The following MAP3K5 variants were observed in gnomAD, a reference collection of about 807,000 sequenced individuals.
MAP3K5 encodes ASK-1.
Under a neutral mutation model 158.7 loss-of-function variants are expected in MAP3K5, and 56 were observed. The ratio of observed to expected loss-of-function variants is 0.35; its 90% CI spans 0.28 to 0.44. MAP3K5 has a LOEUF of 0.44. Ranked by LOEUF, MAP3K5 falls within the 20% of genes least tolerant of loss-of-function variation. The pLI is 1.00. For missense variants in MAP3K5, 1,294 were observed against 1,674.8 expected (o/e 0.77, Z 3.97); for synonymous variants, 579 against 601.7 (o/e 0.96, Z 0.55).
chr6:136,558,008 C>A (rs923543466), intron 29 of MAP3K5, among the ~76,000 whole-genome samples, 190 bp from the exon 30 acceptor site: 13 of 152,220 alleles, frequency 8.5e-5, no homozygotes, highest in Non-Finnish European at 1.5e-5. Flanking sequence ...TTCACTCCCA[C>A]AAACTGCTAT....
rs535582705 is a variant in MAP3K5, at chr6:136,763,272, A to C, written c.448+28438T>G. ...TCTCTGTTTTCCTGCATAACTAGTC[A>C]TCTAAGATGAAGTCTTGGATGAGTA... On this transcript the variant is annotated intron_variant, in intron 1 of 29. Transcript: ENST00000359015. 8.5e-5 allele frequency among the ~76,000 whole-genome samples: 13 copies of C among 152,294 alleles called. No homozygotes were observed. In the South Asian group the frequency reaches 2.3e-3, roughly 27 times the overall value.
chr6:136,640,393 G>C (rs1457218728), intron 12 of MAP3K5, among the ~76,000 whole-genome samples: 5 of 152,106 alleles, frequency 3.3e-5, no homozygotes, highest in Admixed American at 6.6e-5. Context: ...TAGTCCAGGG[G>C]GCACAGTTTG....
rs760436999 is a variant in MAP3K5, at chr6:136,756,145, GA to G, written c.449-35557del. Among the ~76,000 whole-genome samples, 56 of 140,032 alleles carry G rather than the reference GA, an allele frequency of 4.0e-4. 1 individual carries two copies. The highest frequency in any genetic ancestry group is 1.1e-3 in the South Asian group (5 of 4,390). 91.9% of individuals were successfully genotyped at this position (140,032 alleles called of 152,430 possible). A position where few individuals can be genotyped will look rare whatever the true frequency, so the allele number is the denominator to read the frequency against. On this transcript the variant is annotated intron_variant, in intron 1 of 29. Transcript: ENST00000359015. ...AACATGGCAAAACCCCGCCTCTACA[GA>G]AAAAAAAAAAACACTACAAAAATAA...
At chr6:136,788,523 G>A (rs745305583) in intron 1 of MAP3K5, among the ~76,000 whole-genome samples, 14 of 151,982 alleles carry the variant, frequency 9.2e-5, no homozygotes, top group African/African-American at 2.4e-4. Flanking sequence ...CACAAACTAC[G>A]CATTTAAGAA....
chr6:136,615,371 A>G (rs1030481291), intron 15 of MAP3K5, among the ~76,000 whole-genome samples: 1 of 152,232 alleles, frequency 6.6e-6, no homozygotes, highest in Non-Finnish European at 1.5e-5. Flanking sequence ...TGCAGGGGTT[A>G]AAGCAGAGGG....
chr6:136,705,093 T>TTAA lies in MAP3K5; in HGVS notation c.612+14_612+16dup, dbSNP rs1429995510. 5 of 1,156,976 alleles carry TTAA rather than the reference T, an allele frequency of 4.3e-6. No homozygotes were observed. The highest frequency in any genetic ancestry group is 6.1e-6 in the Non-Finnish European group (5 of 814,986). The allele number at this position is 1,156,976 out of a possible 1,614,324, so 71.7% of individuals were successfully genotyped here. ...AAAATATTTTTAAAACTCTGGAAGG[T>TTAA]TAAATAAAGTACTCACAGTATTCTT... On this transcript the variant is annotated intron_variant, in intron 3 of 29. Coordinates refer to ENST00000359015, the MANE Select transcript of MAP3K5 (RefSeq NM_005923.4).
intron 13 of MAP3K5, among the ~76,000 whole-genome samples, chr6:136,638,847 T>C (rs929574007): frequency 3.3e-5 from 5 of 152,216 alleles, no homozygotes; most frequent in Non-Finnish European, 7.3e-5. Context: ...CCCAGCAAAA[T>C]TCTGAGTCCA....
intron 20 of MAP3K5, 49 bp from the exon 21 acceptor site, chr6:136,601,091 T>C: frequency 6.2e-7 from 1 of 1,602,132 alleles, no homozygotes; most frequent in Non-Finnish European, 8.5e-7. Context: ...GCTGGGTTTG[T>C]TGTTAAACTG....
chr6:136,756,397 C>A (rs933297232), intron 1 of MAP3K5, among the ~76,000 whole-genome samples: 2 of 152,282 alleles, frequency 1.3e-5, no homozygotes, highest in Non-Finnish European at 2.9e-5. Context: ...GAAATGATCT[C>A]TCTGAATATG....
At chr6:136,626,478 G>C (rs1562558154) in intron 14 of MAP3K5, among the ~76,000 whole-genome samples, 1 of 152,212 alleles carries the variant, frequency 6.6e-6, no homozygotes, top group Non-Finnish European at 1.5e-5. Context: ...GGAAGGAACA[G>C]GCAGCAGGGA....
chr6:136,730,460 G>A (rs997990831), intron 1 of MAP3K5, among the ~76,000 whole-genome samples: 11 of 151,986 alleles, frequency 7.2e-5, no homozygotes, highest in Non-Finnish European at 1.0e-4. Flanking sequence ...GGTGACTCAC[G>A]CCTGTAATCC....
intron 23 of MAP3K5, among the ~76,000 whole-genome samples, chr6:136,586,833 AAG>A (rs1478366247): frequency 2.0e-5 from 3 of 152,122 alleles, no homozygotes; most frequent in Non-Finnish European, 4.4e-5. Flanking sequence ...AAAATGTGAA[AAG>A]AGAGAGTGAC....
chr6:136,616,545 C>T (rs1776573856), intron 15 of MAP3K5, among the ~76,000 whole-genome samples: 1 of 151,708 alleles, frequency 6.6e-6, no homozygotes, highest in Admixed American at 6.6e-5. Flanking sequence ...CCACAGATCA[C>T]CTCTCCCCAC....
chr6:136,750,661 T>C (rs890533281), intron 1 of MAP3K5, among the ~76,000 whole-genome samples: 1 of 152,244 alleles, frequency 6.6e-6, no homozygotes, highest in East Asian at 1.9e-4. Context: ...TGAATCTAGA[T>C]GAAAAACTTC....
In MAP3K5 at chr6:136,558,795, G is replaced by C; in HGVS notation, c.4064+5C>G. The stretch of plus-strand genomic sequence containing the variant: ...CCATAGTGACAACAGAAAGAAAAGT[G>C]GTACCTTAGTCTCAAGCATTTTAAG... On this transcript the variant is annotated splice_donor_5th_base_variant and intron_variant, in intron 29 of 29. Transcript: ENST00000359015. The C allele has an allele frequency of 6.4e-7, 1 of 1,561,606 alleles. No homozygotes were observed. Among genetic ancestry groups the C allele is most frequent in the Non-Finnish European group, 8.8e-7 (1 of 1,133,632 alleles).
intron 1 of MAP3K5, among the ~76,000 whole-genome samples, chr6:136,763,240 G>T (rs73564033): frequency 0.016 from 2,487 of 152,250 alleles, 67 homozygotes; most frequent in African/African-American, 0.057. Flanking sequence ...TTTTTAAAAG[G>T]TAACCATCTC....
At chr6:136,643,216 T>C (rs1447040512) in intron 11 of MAP3K5, among the ~76,000 whole-genome samples, 4 of 152,162 alleles carry the variant, frequency 2.6e-5, no homozygotes, top group Non-Finnish European at 5.9e-5. Flanking sequence ...TAAAGAAAAA[T>C]GTGGGAATTT....
At chr6:136,711,663 C>CA (rs778428048) in intron 2 of MAP3K5, among the ~76,000 whole-genome samples, 106 of 113,270 alleles carry the variant, frequency 9.4e-4, no homozygotes, top group South Asian at 3.8e-3. Context: ...TCAGACCTCT[C>CA]AAAAAAAAAA....
rs544062457 is a variant in MAP3K5 at position 136,636,037 on chromosome 6, C to A, written c.2016+1288G>T. On this transcript the variant is annotated intron_variant, in intron 14 of 29. Transcript: ENST00000359015. ...CAATTAGACTGGTGAGCTATAGATTCTTCATTTTCACTTTAACATTAAAAA... is the reference window on the plus strand; with the variant it reads ...CAATTAGACTGGTGAGCTATAGATTATTCATTTTCACTTTAACATTAAAAA... 6.9e-4 allele frequency among the ~76,000 whole-genome samples: 105 copies of A among 152,256 alleles called. No individual in the cohort carries two copies. The South Asian group carries it at 8.5e-3, about 12-fold the overall frequency.
Sources: allele counts gnomAD v4.1 joint callset (sites outside exome capture counted in the v4.1 genomes callset), GRCh38; gene constraint gnomAD v4.1.1; transcripts MANE v1.5; gene names NCBI Gene and HGNC (gene_info 2026-07-23, HGNC 2026-07-21).